Variants in NFIB observed in about 807,000 individuals in gnomAD.
NFIB encodes nuclear factor 1 B-type.
A neutral mutation model predicts 61.5 loss-of-function variants in NFIB; 11 were observed. The ratio of observed to expected loss-of-function variants is 0.18; its 90% confidence interval spans 0.11 to 0.30. The LOEUF (loss-of-function observed/expected upper bound fraction) is 0.30. Ranked by LOEUF, NFIB falls within the 10% of genes least tolerant of loss-of-function variation. NFIB has a pLI of 1.00. For missense variants in NFIB, 471 were observed against 608.9 expected (o/e 0.77, Z 2.38); for synonymous variants, 260 against 216.5 (o/e 1.20, Z -1.76).
chr9:14,247,635 A>G (rs769781696), intron 2 of NFIB, among the ~76,000 whole-genome samples: 13 of 152,232 alleles, frequency 8.5e-5, no homozygotes, highest in Non-Finnish European at 1.5e-4. Flanking sequence ...ACCATGAAAA[A>G]GTTATATAAT....
intron 1 of NFIB, among the ~76,000 whole-genome samples, chr9:14,367,147 G>A (rs928086574): frequency 1.3e-5 from 2 of 152,154 alleles, no homozygotes; most frequent in Non-Finnish European, 2.9e-5. Flanking sequence ...CTATGCAGGT[G>A]CTCTACTTGG....
rs573588151 is a variant in NFIB at position 14,109,453 on chromosome 9, G to A, written c.1467+3546C>T. On this transcript the variant is annotated intron_variant, in intron 10 of 10. Coordinates refer to ENST00000380953, the MANE Select transcript of NFIB (RefSeq NM_001190737.2). ...CTGAAAATGTTCCAAACCATAAAAA[G>A]ACATTTCTCAGCAGAGACTAATCAG... Among the ~76,000 whole-genome samples the A allele has an allele frequency of 9.9e-5, 15 of 152,104 alleles. No individual in the cohort carries two copies. In the South Asian group the frequency reaches 2.9e-3, roughly 29 times the overall value.
the NFIB span, among the ~76,000 whole-genome samples, chr9:14,474,474 C>A: frequency 6.6e-6 from 1 of 152,318 alleles, no homozygotes; most frequent in South Asian, 2.1e-4. Flanking sequence ...CAAAAATATT[C>A]CATCTATAGC....
chr9:14,175,228 C>G (rs1421152788), intron 3 of NFIB, among the ~76,000 whole-genome samples: 1 of 122,758 alleles, frequency 8.1e-6, no homozygotes, highest in Non-Finnish European at 1.6e-5. Flanking sequence ...GGCTGGAGTG[C>G]AGTGGTGCGA....
chr9:14,374,024 T>A (rs1359794563), intron 1 of NFIB, among the ~76,000 whole-genome samples: 1 of 152,216 alleles, frequency 6.6e-6, no homozygotes, highest in Non-Finnish European at 1.5e-5. Context: ...GTTCTTTTTA[T>A]TTCTCCATGT....
intron 1 of NFIB, among the ~76,000 whole-genome samples, chr9:14,322,916 T>C (rs2060698016): frequency 6.6e-6 from 1 of 151,476 alleles, no homozygotes; most frequent in Non-Finnish European, 1.5e-5. Flanking sequence ...CGACCGTGTG[T>C]CTGCGGCGCG....
At chr9:14,490,331 CTTAAATG>C in the NFIB span, among the ~76,000 whole-genome samples, 2 of 151,902 alleles carry the variant, frequency 1.3e-5, no homozygotes, top group African/African-American at 4.8e-5. Flanking sequence ...AGATTCTGAA[CTTAAATG>C]TTAAAGGCAA....
the NFIB span, among the ~76,000 whole-genome samples, chr9:14,507,890 TTTTC>T: frequency 2.6e-4 from 40 of 151,762 alleles, no homozygotes; most frequent in South Asian, 8.4e-4. Context: ...GTGACAAAAT[TTTTC>T]TTTCTATGTG....
At chr9:14,274,117 C>T (rs550161396) in intron 2 of NFIB, among the ~76,000 whole-genome samples, 2 of 152,228 alleles carry the variant, frequency 1.3e-5, no homozygotes, top group Middle Eastern at 3.4e-3. Flanking sequence ...CACTACTTTA[C>T]TGAAGAGTGA....
At chr9:14,252,794 G>GAA (rs57261307) in intron 2 of NFIB, among the ~76,000 whole-genome samples, 1 of 150,976 alleles carries the variant, frequency 6.6e-6, no homozygotes, top group African/African-American at 2.4e-5. Flanking sequence ...CTTTGTGGAG[G>GAA]AAAAAAAAAT....
At chr9:14,329,393 T>C (rs1457523992) in intron 1 of NFIB, among the ~76,000 whole-genome samples, 1 of 152,168 alleles carries the variant, frequency 6.6e-6, no homozygotes, top group Non-Finnish European at 1.5e-5. Flanking sequence ...TGTCCCAGGA[T>C]AGCCACTCAT....
chr9:14,268,820 T>C (rs1411582018), intron 2 of NFIB, among the ~76,000 whole-genome samples: 1 of 152,208 alleles, frequency 6.6e-6, no homozygotes, highest in African/African-American at 2.4e-5. Flanking sequence ...CCTAGACATG[T>C]AGTAAGCACA....
chr9:14,203,834 G>A (rs2049323683), intron 2 of NFIB, among the ~76,000 whole-genome samples: 1 of 152,096 alleles, frequency 6.6e-6, no homozygotes, highest in South Asian at 2.1e-4. Flanking sequence ...TGGTGACAAG[G>A]GGTCTTTTAC....
the NFIB span, among the ~76,000 whole-genome samples, chr9:14,462,466 T>C: frequency 6.6e-6 from 1 of 152,008 alleles, no homozygotes; most frequent in Non-Finnish European, 1.5e-5. Context: ...GTATTTTTAG[T>C]GGAGACGGGG....
intron 1 of NFIB, among the ~76,000 whole-genome samples, chr9:14,387,604 T>A (rs1470170631): frequency 1.3e-5 from 2 of 152,174 alleles, no homozygotes; most frequent in African/African-American, 4.8e-5. Context: ...AGTAAACATA[T>A]GAAAAGACTT....
At chr9:14,451,168 G>C in the NFIB span, among the ~76,000 whole-genome samples, 2 of 152,168 alleles carry the variant, frequency 1.3e-5, no homozygotes, top group East Asian at 3.9e-4. Context: ...CTCCCAGTGG[G>C]ACACCACAAA....
At chr9:14,100,446 C>T (rs922104964) in intron 10 of NFIB, among the ~76,000 whole-genome samples, 1 of 152,128 alleles carries the variant, frequency 6.6e-6, no homozygotes, top group Admixed American at 6.5e-5. Flanking sequence ...CGGTGGCTCA[C>T]GCCTGTAATC....
At chr9:14,491,517 G>C in the NFIB span, among the ~76,000 whole-genome samples, 1 of 152,206 alleles carries the variant, frequency 6.6e-6, no homozygotes. Flanking sequence ...AGGGCTGAGA[G>C]AAAGTCATGG....
At chr9:14,106,986 T>A (rs74545629) in intron 10 of NFIB, among the ~76,000 whole-genome samples, 2,205 of 152,142 alleles carry the variant, frequency 0.014, 58 homozygotes, top group African/African-American at 0.05. Context: ...TTTTTTCTTT[T>A]TACGTTTACA....
Sources: allele counts gnomAD v4.1 joint callset (sites outside exome capture counted in the v4.1 genomes callset), GRCh38; gene constraint gnomAD v4.1.1; transcripts MANE v1.5; gene names NCBI Gene and HGNC (gene_info 2026-07-23, HGNC 2026-07-21).